LMBR1L: variants seen among roughly 807,000 people sequenced by gnomAD.
LMBR1L encodes the protein protein LMBR1L.
In LMBR1L, 47 loss-of-function variants were observed where a neutral mutation model predicts 67.3. The ratio of observed to expected loss-of-function variants is 0.70; its 90% confidence interval spans 0.55 to 0.89. The LOEUF is 0.89. LMBR1L is among the 40% of genes least tolerant of loss of function. The pLI is 0.00. For missense variants in LMBR1L, 533 were observed against 599.2 expected, an observed-to-expected ratio of 0.89 and a Z score of 1.15; for synonymous variants, 247 against 250.3, an observed-to-expected ratio of 0.99 and a Z score of 0.13.
At chr12:49,106,309 A>T (rs1940902317) in intron 2 of LMBR1L, 2 of 385,668 alleles carry the variant, frequency 5.2e-6, no homozygotes, top group Non-Finnish European at 9.9e-6. Context: ...GGGTCCAGGA[A>T]AGGGAAAAGA....
At chr12:49,103,526 T>C (rs1194562469) in intron 6 of LMBR1L, among the ~76,000 whole-genome samples, 161 bp downstream of exon 6, 3 of 152,222 alleles carry the variant, frequency 2.0e-5, no homozygotes, top group Non-Finnish European at 4.4e-5. Flanking sequence ...CAATGAAACA[T>C]TTCTGCAGAT....
chr12:49,099,581 CTTTT>C (rs869070798), intron 15 of LMBR1L, among the ~76,000 whole-genome samples: 3 of 139,916 alleles, frequency 2.1e-5, no homozygotes, highest in South Asian at 2.2e-4. Flanking sequence ...CACTCTTGAA[CTTTT>C]TTTTTTTTTT....
chr12:49,097,568 TC>T lies in LMBR1L; in HGVS notation c.*103del. On this transcript the variant is annotated 3_prime_UTR_variant, in exon 17 of 17. Transcript: ENST00000267102. ...CTCTGCTCCCCTCTGCCACCCACCC[TC>T]TCAGATTCCAGGTCCTGAGGTCCAA... The T allele has an allele frequency of 8.5e-7, 1 of 1,178,186 alleles. No individual in the cohort carries two copies. Among genetic ancestry groups the T allele is most frequent in the Non-Finnish European group, 1.3e-6 (1 of 797,216 alleles). 73.0% of individuals were successfully genotyped at this position (1,178,186 alleles called of 1,614,324 possible).
At chr12:49,107,370 A>AATGCAC (rs1941039819) in intron 1 of LMBR1L, among the ~76,000 whole-genome samples, 1 of 152,214 alleles carries the variant, frequency 6.6e-6, no homozygotes, top group South Asian at 2.1e-4. Flanking sequence ...AACTCCTAGA[A>AATGCAC]ATGCACATGC....
chr12:49,104,646 C>A lies in LMBR1L; in HGVS notation c.332-95G>T, dbSNP rs180894635. ...GCAGGAGAAGCAGAGTGGGAAGGTG[C>A]GACATATGACTGCTTGGCGCACGGC... On this transcript the variant is annotated intron_variant, in intron 4 of 16. Transcript: ENST00000267102. 69 of 1,573,696 alleles carry A rather than the reference C, an allele frequency of 4.4e-5. No homozygotes were observed. In the African/African-American group the frequency reaches 8.8e-4, roughly 20 times the overall value.
chr12:49,106,980 C>T lies in LMBR1L; in HGVS notation c.138G>A (p.Lys46=). 1 of 1,612,930 alleles carries T rather than the reference C, an allele frequency of 6.2e-7. No individual in the cohort carries two copies. Among genetic ancestry groups the T allele is most frequent in the East Asian group, 2.2e-5 (1 of 44,892 alleles). Reference sequence around the variant, plus strand: ...AAGTACCTGTGGTGAACTCAGCAGGCTTCTTGAAGCGGGTCAGGAAGATGT... The same window carrying T: ...AAGTACCTGTGGTGAACTCAGCAGGTTTCTTGAAGCGGGTCAGGAAGATGT... ...LCHIFLTRFK[K]PAEFTTVDDE... The change falls in exon 2 of 17, where the codon AAG becomes AAA. Residue 46 remains lysine (K), a synonymous_variant. Coordinates refer to ENST00000267102, the MANE Select transcript of LMBR1L (RefSeq NM_018113.4).
Position 49,102,465 on chromosome 12 carries a change from T to TA in LMBR1L, c.769+2dup, listed in dbSNP as rs1434263647. On this transcript the variant is annotated splice_region_variant and intron_variant, in intron 9 of 16. Coordinates refer to ENST00000267102, the MANE Select transcript of LMBR1L (RefSeq NM_018113.4). The stretch of plus-strand genomic sequence containing the variant: ...ACCCCAGCAGGGAAGAACTGCAACT[T>TA]ACTACAGATCCTGCGGGTCAGGGCT... The TA allele has an allele frequency of 5.0e-6, 8 of 1,614,052 alleles. No individual in the cohort carries two copies. The highest frequency in any genetic ancestry group is 6.8e-6 in the Non-Finnish European group (8 of 1,180,018).
intron 15 of LMBR1L, among the ~76,000 whole-genome samples, chr12:49,099,475 C>T (rs951093825): frequency 2.6e-5 from 4 of 151,804 alleles, no homozygotes; most frequent in African/African-American, 9.7e-5. Flanking sequence ...TATGAAATCA[C>T]ATATAAAATA....
At position 49,100,608 on chromosome 12, in the gene LMBR1L, G is replaced by T; in HGVS notation, c.1121C>A (p.Ser374Tyr). 6.2e-7 allele frequency: 1 copy of T among 1,614,180 alleles called. No individual in the cohort carries two copies. The highest frequency in any genetic ancestry group is 8.5e-7 in the Non-Finnish European group (1 of 1,180,024). ...GGGCCGCAGGCTCCGGAAGAGTGGA[G>T]AGCTATAGAAGCCCACAACTGAGGA... Reference protein sequence around the residue: ...MVSSVVGFYSSPLFRSLRPRW... With the variant: ...MVSSVVGFYSYPLFRSLRPRW... Residue 374 changes from serine (S) to tyrosine (Y), a missense_variant, in exon 14 of 17, where the codon TCT becomes TAT. By Grantham distance (144) the Ser-to-Tyr change is moderately radical (BLOSUM62 -2). Coordinates refer to ENST00000267102, the MANE Select transcript of LMBR1L (RefSeq NM_018113.4).
At chr12:49,102,435 C>A (rs759716403) in intron 9 of LMBR1L, 33 bp downstream of exon 9, 20 of 1,613,814 alleles carry the variant, frequency 1.2e-5, no homozygotes, top group Non-Finnish European at 1.7e-5. Context: ...CAGGCCAAGC[C>A]TACCACCCCA....
chr12:49,104,847 C>G lies in LMBR1L; in HGVS notation c.230G>C (p.Gly77Ala). 6.2e-7 allele frequency: 1 copy of G among 1,613,586 alleles called. No individual in the cohort carries two copies. The highest frequency in any genetic ancestry group is 8.5e-7 in the Non-Finnish European group (1 of 1,179,810). Residue 77 changes from glycine (G) to alanine (A), a missense_variant, in exon 4 of 17, where the codon GGT (glycine) becomes GCT (alanine). By Grantham distance (60) the Gly-to-Ala change is moderately conservative (BLOSUM62 0). Around this residue, in one of 3 missense-constraint regions of LMBR1L, gnomAD observed 246 missense variants for 249.0 expected, o/e 0.99. Transcript: ENST00000267102. Reference sequence around the variant, plus strand: ...GGAGAAGGGCAGGAGCAGGACAGCACCCAGGGCAATTGCCAGGGTAAAGGT... The same window carrying G: ...GGAGAAGGGCAGGAGCAGGACAGCAGCCAGGGCAATTGCCAGGGTAAAGGT... ...LCTFTLAIAL[G>A]AVLLLPFSII... is the part of the protein sequence containing the mutation.
At chr12:49,100,311 G>T in intron 15 of LMBR1L, 77 bp downstream of exon 15, 2 of 1,067,370 alleles carry the variant, frequency 1.9e-6, no homozygotes, top group Non-Finnish European at 1.5e-6. Context: ...GAGAAATTAT[G>T]TATATAAAGT....
At chr12:49,100,815 C>G (rs1940069718) in intron 13 of LMBR1L, 169 bp from the exon 14 acceptor site, 1 of 623,746 alleles carries the variant, frequency 1.6e-6, no homozygotes, top group African/African-American at 1.9e-5. Flanking sequence ...GCAACCTTGA[C>G]CTTCTGGGCT....
At position 49,105,965 on chromosome 12, in the gene LMBR1L, A is replaced by G. The variant is rs1313148778; in HGVS notation, c.158-8T>C. ...TGGCATCTTCATCATCCACTGTAAGAGACAGAGGCACGGGGAACAGGCAGG... is the reference window on the plus strand; with the variant it reads ...TGGCATCTTCATCATCCACTGTAAGGGACAGAGGCACGGGGAACAGGCAGG... On this transcript the variant is annotated splice_region_variant and splice_polypyrimidine_tract_variant and intron_variant, in intron 2 of 16. Transcript: ENST00000267102. 1 of 1,612,710 alleles carries G rather than the reference A, an allele frequency of 6.2e-7. No homozygotes were observed.
chr12:49,098,279 C>T (rs1240645007), intron 15 of LMBR1L, among the ~76,000 whole-genome samples, 174 bp from the exon 16 acceptor site: 1 of 152,182 alleles, frequency 6.6e-6, no homozygotes, highest in South Asian at 2.1e-4. Flanking sequence ...TTCTAAGTGC[C>T]AGCAGCTAGG....
intron 15 of LMBR1L, among the ~76,000 whole-genome samples, 157 bp from the exon 16 acceptor site, chr12:49,098,262 G>C (rs1369616038): frequency 1.3e-5 from 2 of 152,166 alleles, no homozygotes; most frequent in African/African-American, 2.4e-5. Context: ...AGAGCAGTTC[G>C]GGACTGTTCT....
chr12:49,104,949 C>G (rs1334976443), intron 3 of LMBR1L, 64 bp from the exon 4 acceptor site: 2 of 1,536,476 alleles, frequency 1.3e-6, no homozygotes, highest in Non-Finnish European at 1.8e-6. Flanking sequence ...GCTGAAGAAG[C>G]CCCATTTGTC....
At chr12:49,100,778 A>T in intron 13 of LMBR1L, 132 bp from the exon 14 acceptor site, 1 of 701,886 alleles carries the variant, frequency 1.4e-6, no homozygotes, top group Non-Finnish European at 2.4e-6. Flanking sequence ...CCCAGGCTGG[A>T]GTGCAGTGGT....
intron 2 of LMBR1L, chr12:49,106,716 G>C (rs1940952261): frequency 1.0e-6 from 1 of 992,352 alleles, no homozygotes; most frequent in African/African-American, 1.6e-5. Context: ...GGAGTAGGTA[G>C]ACATTGTTAC....
Sources: allele counts gnomAD v4.1 joint callset (sites outside exome capture counted in the v4.1 genomes callset), GRCh38; gene constraint gnomAD v4.1.1; regional missense constraint gnomAD v4.1.1; transcripts MANE v1.5; gene names NCBI Gene and HGNC (gene_info 2026-07-23, HGNC 2026-07-21).